Variants in MEGF11 observed in about 807,000 individuals in gnomAD.
The protein encoded by MEGF11 is multiple epidermal growth factor-like domains protein 11.
A neutral mutation model predicts 146.6 loss-of-function variants in MEGF11; 126 were observed. The ratio of observed to expected loss-of-function variants is 0.86; its 90% CI spans 0.74 to 1.00. MEGF11 has a LOEUF of 1.00. Ranked by LOEUF, MEGF11 falls within the 50% of genes least tolerant of loss-of-function variation. The probability of loss-of-function intolerance (pLI) is 0.00; values close to 1 mark genes in which losing one functional copy is unlikely to be tolerated. For missense variants in MEGF11, 1,509 were observed against 1,521.2 expected, an observed-to-expected ratio of 0.99 and a Z score of 0.13; for synonymous variants, 532 against 583.4, an observed-to-expected ratio of 0.91 and a Z score of 1.27.
At position 66,123,997 on chromosome 15, in the gene MEGF11, A is replaced by G. The variant is rs2088196608; in HGVS notation, c.102T>C (p.Tyr34=). The change falls in exon 3 of 26, where the codon TAT becomes TAC. Residue 34 remains tyrosine, a synonymous_variant. Coordinates refer to ENST00000395614, the MANE Select transcript of MEGF11 (RefSeq NM_001385028.1). ...DPNVCSHWES[Y]AVTVQESYAH... is the part of the protein sequence containing the mutation. The stretch of plus-strand genomic sequence containing the variant: ...CATACGATTCCTGGACAGTCACAGC[A>G]TAGCTGAGAACCAGATGGGAGATAG... The G allele has an allele frequency of 6.2e-7, 1 of 1,612,582 alleles. No individual in the cohort carries two copies.
chr15:65,944,820 T>G (rs904013331), intron 10 of MEGF11, among the ~76,000 whole-genome samples: 1 of 151,126 alleles, frequency 6.6e-6, no homozygotes, highest in East Asian at 1.9e-4. Flanking sequence ...GGAGTTGGGG[T>G]GGGGACGGCT....
chr15:65,913,979 G>A lies in MEGF11; in HGVS notation c.2474-6C>T. On this transcript the variant is annotated splice_region_variant and splice_polypyrimidine_tract_variant and intron_variant, in intron 19 of 25. Transcript: ENST00000395614. ...CTCCTCCATCATGAGGGCAGCTGCG[G>A]GCAGAGGGAGGGCCTGAGCCTGGGG... is the stretch of plus-strand genomic sequence containing the variant. 1.9e-6 allele frequency: 3 copies of A among 1,611,768 alleles called. No individual in the cohort carries two copies. The highest frequency in any genetic ancestry group is 2.5e-6 in the Non-Finnish European group (3 of 1,178,322).
intron 5 of MEGF11, among the ~76,000 whole-genome samples, chr15:66,051,677 G>A (rs2084452022): frequency 6.6e-6 from 1 of 152,206 alleles, no homozygotes; most frequent in South Asian, 2.1e-4. Flanking sequence ...GAGCCTTGGG[G>A]CATGCTCGGT....
chr15:65,909,088 C>T lies in MEGF11; in HGVS notation c.2944G>A (p.Asp982Asn). The T allele has an allele frequency of 6.5e-7, 1 of 1,535,790 alleles. No individual in the cohort carries two copies. The highest frequency in any genetic ancestry group is 1.4e-5 in the African/African-American group (1 of 73,058). ...AGGTGTCTAAGTTCAATGTAGAAGT[C>T]CTCGGGCGGGTACCTGGCCTCCAGG... is the stretch of plus-strand genomic sequence containing the variant. ...SALEARYPPE[D>N]FYIELRHLSR... Residue 982 changes from aspartate to asparagine, a missense_variant, in exon 23 of 26, where the codon GAC becomes AAC. By Grantham distance (23) the Asp-to-Asn change is conservative (BLOSUM62 1). Transcript: ENST00000395614.
At chr15:65,948,964 C>A (rs1243141319) in intron 10 of MEGF11, among the ~76,000 whole-genome samples, 1 of 152,170 alleles carries the variant, frequency 6.6e-6, no homozygotes, top group African/African-American at 2.4e-5. Context: ...AAATCTTTTA[C>A]TACAGTAATT....
intron 5 of MEGF11, among the ~76,000 whole-genome samples, chr15:66,010,208 T>TA (rs2082669329): frequency 1.3e-5 from 2 of 151,188 alleles, no homozygotes; most frequent in Non-Finnish European, 3.0e-5. Context: ...TTCTTTTTTT[T>TA]TTTTGAGACA....
intron 7 of MEGF11, among the ~76,000 whole-genome samples, chr15:65,971,946 CT>C (rs2081312111): frequency 6.6e-6 from 1 of 152,028 alleles, no homozygotes; most frequent in African/African-American, 2.4e-5. Context: ...GCTCATGTAG[CT>C]ATAAGAAAAC....
chr15:66,225,714 T>C (rs1209140563), intron 1 of MEGF11, among the ~76,000 whole-genome samples: 1 of 151,850 alleles, frequency 6.6e-6, no homozygotes, highest in African/African-American at 2.4e-5. Context: ...CCCCATGCAC[T>C]CACACACACA....
chr15:65,905,977 G>T lies in MEGF11; in HGVS notation c.3055+108C>A. 3.4e-6 allele frequency: 3 copies of T among 872,398 alleles called. No homozygotes were observed. In the South Asian group the frequency reaches 5.2e-5, roughly 15 times the overall value. 54.0% of individuals were successfully genotyped at this position (872,398 alleles called of 1,614,324 possible). A position where few individuals can be genotyped will look rare whatever the true frequency, so the allele number is the denominator to read the frequency against. ...CTGTGGTCTTTTAACCTTCTGTGGG[G>T]GGCAGGCACACACAGTTTGTCTCAA... On this transcript the variant is annotated intron_variant, in intron 24 of 25. Transcript: ENST00000395614.
Position 65,896,237 on chromosome 15 carries a change from C to T in MEGF11, c.*1697G>A, listed in dbSNP as rs933092206. ...TTGGAAAGTAAATTTACTATTGCTA[C>T]TCAGTTGCTCCCATGCACACATGCA... On this transcript the variant is annotated 3_prime_UTR_variant, in exon 26 of 26. Coordinates refer to ENST00000395614, the MANE Select transcript of MEGF11 (RefSeq NM_001385028.1). 2 of 152,616 alleles carry T rather than the reference C, an allele frequency of 1.3e-5. No individual in the cohort carries two copies. The highest frequency in any genetic ancestry group is 2.9e-5 in the Non-Finnish European group (2 of 68,038). The allele number at this position is 152,616 out of a possible 1,614,324, so 9.5% of individuals were successfully genotyped here.
rs143988989 is a variant in MEGF11 at position 66,208,099 on chromosome 15, A to G, written c.-9+45506T>C. 3.3e-3 allele frequency among the ~76,000 whole-genome samples: 501 copies of G among 152,206 alleles called. 3 individuals are homozygous for G. The highest frequency in any genetic ancestry group is 4.6e-3 in the Non-Finnish European group (312 of 67,996). On this transcript the variant is annotated intron_variant, in intron 1 of 25. Transcript: ENST00000395614. Reference sequence around the variant, plus strand: ...GACTGTGCCTCAGAAAAAAAAAAAAAAAGAAGAAGAAGCAGAGACTGGAAC... The same window carrying G: ...GACTGTGCCTCAGAAAAAAAAAAAAGAAGAAGAAGAAGCAGAGACTGGAAC...
At chr15:66,246,606 A>G (rs1212990254) in intron 1 of MEGF11, among the ~76,000 whole-genome samples, 1 of 151,994 alleles carries the variant, frequency 6.6e-6, no homozygotes, top group Non-Finnish European at 1.5e-5. Context: ...AGTTCAGGAC[A>G]CTAGCCTGGG....
In MEGF11 at chr15:65,929,750, C is replaced by A. The variant is rs1460789862; in HGVS notation, c.1542G>T (p.Trp514Cys). The A allele has an allele frequency of 3.9e-6, 6 of 1,552,618 alleles. No individual in the cohort carries two copies. The East Asian group carries it at 1.5e-4, about 38-fold the overall frequency. Residue 514 changes from tryptophan to cysteine, a missense_variant, in exon 12 of 26, where the codon TGG becomes TGT. Coordinates refer to ENST00000395614, the MANE Select transcript of MEGF11 (RefSeq NM_001385028.1). ...IDGSCSCTPG[W>C]LGDTCELPCP... The stretch of plus-strand genomic sequence containing the variant: ...AAGGCAGCTCACAGGTGTCTCCCAG[C>A]CAGCCAGGAGTGCAGGAGCAGGAGC...
chr15:66,167,503 G>A (rs531042661), intron 1 of MEGF11, among the ~76,000 whole-genome samples: 2 of 152,280 alleles, frequency 1.3e-5, no homozygotes, highest in Admixed American at 1.3e-4. Context: ...CAATTAGCCA[G>A]GCATGGTGGC....
At chr15:66,106,529 G>T (rs2087090129) in intron 4 of MEGF11, among the ~76,000 whole-genome samples, 2 of 152,178 alleles carry the variant, frequency 1.3e-5, no homozygotes, top group Admixed American at 1.3e-4. Context: ...AGGCCACAAG[G>T]AAGGTACTAT....
intron 1 of MEGF11, among the ~76,000 whole-genome samples, chr15:66,224,618 ATATATTATATATTATTACTTAT>A (rs2091809153): frequency 7.7e-6 from 1 of 129,862 alleles, no homozygotes; most frequent in Non-Finnish European, 1.7e-5. Flanking sequence ...TATATTTAAT[ATATATTATATATTATTACTTAT>A]TATATTATAT....
At chr15:66,229,339 G>A (rs1163378266) in intron 1 of MEGF11, among the ~76,000 whole-genome samples, 1 of 151,988 alleles carries the variant, frequency 6.6e-6, no homozygotes, top group Non-Finnish European at 1.5e-5. Flanking sequence ...CTCCCGGTGG[G>A]CCATGGCGAC....
At chr15:66,055,932 A>G (rs548301855) in intron 5 of MEGF11, among the ~76,000 whole-genome samples, 3 of 152,242 alleles carry the variant, frequency 2.0e-5, no homozygotes, top group East Asian at 3.9e-4. Context: ...GACCATTAGT[A>G]TGACACTGGA....
At chr15:66,130,945 A>G (rs74021632) in intron 1 of MEGF11, among the ~76,000 whole-genome samples, 3,494 of 152,304 alleles carry the variant, frequency 0.023, 157 homozygotes, top group African/African-American at 0.08. Flanking sequence ...TTATTAGGCC[A>G]ACTCCATTTG....
Sources: gnomAD v4.1 joint callset for allele counts (sites outside exome capture counted in the v4.1 genomes callset) on GRCh38, gnomAD v4.1.1 for gene constraint, MANE v1.5 for transcripts, NCBI Gene and HGNC (gene_info 2026-07-23, HGNC 2026-07-21) for gene names.